Variants in TMEM178B observed in about 807,000 individuals in gnomAD.
The protein encoded by TMEM178B is transmembrane protein 178B.
In TMEM178B, 5 loss-of-function variants were observed where a neutral mutation model predicts 31.0. The observed-to-expected ratio is 0.16, with a 90% CI of 0.08 to 0.34. The LOEUF is 0.34. Among genes scored for constraint, TMEM178B ranks in the 10% least tolerant of loss-of-function variants. The pLI, the probability that TMEM178B is intolerant of heterozygous loss-of-function variation, is 1.00. For missense variants in TMEM178B, 275 were observed against 400.3 expected (o/e 0.69, Z 2.67); for synonymous variants, 164 against 164.0 (o/e 1.00, Z 0.00).
intron 1 of TMEM178B, among the ~76,000 whole-genome samples, chr7:141,106,550 A>G (rs1213360176): frequency 2.0e-5 from 3 of 152,230 alleles, no homozygotes; most frequent in South Asian, 4.1e-4. Flanking sequence ...AGAAAGTTTT[A>G]GAAATACTTA....
chr7:141,138,211 A>G (rs969059795), intron 1 of TMEM178B, among the ~76,000 whole-genome samples: 2 of 151,854 alleles, frequency 1.3e-5, no homozygotes, highest in Non-Finnish European at 2.9e-5. Context: ...ACAGGCACCC[A>G]CCACCATGCC....
At chr7:141,456,268 G>A (rs1801961050) in intron 3 of TMEM178B, among the ~76,000 whole-genome samples, 1 of 152,080 alleles carries the variant, frequency 6.6e-6, no homozygotes, top group Non-Finnish European at 1.5e-5. Flanking sequence ...TGAAAAAGAA[G>A]GACCATAGAG....
intron 2 of TMEM178B, among the ~76,000 whole-genome samples, chr7:141,366,302 A>T (rs1424613739): frequency 2.6e-5 from 4 of 152,194 alleles, no homozygotes; most frequent in Non-Finnish European, 4.4e-5. Context: ...CATGTCTGTG[A>T]CTTCTGGCTC....
At chr7:141,154,564 G>A (rs1373491521) in intron 1 of TMEM178B, among the ~76,000 whole-genome samples, 1 of 152,156 alleles carries the variant, frequency 6.6e-6, no homozygotes, top group Non-Finnish European at 1.5e-5. Flanking sequence ...GGTCAGGGCA[G>A]CTGTTCCTGC....
the TMEM178B span, among the ~76,000 whole-genome samples, chr7:141,500,813 A>C: frequency 4.7e-4 from 72 of 152,302 alleles, no homozygotes; most frequent in Non-Finnish European, 8.8e-4. Context: ...GCTTACCACT[A>C]GGTATGTCCC....
Position 141,262,474 on chromosome 7 carries a change from A to AATATATATATATATATAT in TMEM178B, c.496+49783_496+49800dup, listed in dbSNP as rs10570183. On this transcript the variant is annotated intron_variant, in intron 2 of 3. Transcript: ENST00000565468. The stretch of plus-strand genomic sequence containing the variant: ...AATGGAAAGCTTGATAAATACATAT[A>AATATATATATATATATAT]ATATATATATATATATATATATATA... Among the ~76,000 whole-genome samples, 455 of 131,650 alleles carry AATATATATATATATATAT rather than the reference A, an allele frequency of 3.5e-3. 2 individuals carry two copies. Among genetic ancestry groups the AATATATATATATATATAT allele is most frequent in the Non-Finnish European group, 4.4e-3 (276 of 62,712 alleles). 86.4% of individuals were successfully genotyped at this position (131,650 alleles called of 152,430 possible). A position where few individuals can be genotyped will look rare whatever the true frequency, so the allele number is the denominator to read the frequency against.
intron 2 of TMEM178B, among the ~76,000 whole-genome samples, chr7:141,407,787 T>A (rs1023953560): frequency 3.3e-5 from 5 of 152,174 alleles, no homozygotes; most frequent in African/African-American, 1.2e-4. Flanking sequence ...TTTTATAGCA[T>A]TTGTTGAAAT....
intron 2 of TMEM178B, among the ~76,000 whole-genome samples, chr7:141,267,194 G>A (rs537106160): frequency 6.6e-6 from 1 of 152,332 alleles, no homozygotes; most frequent in African/African-American, 2.4e-5. Flanking sequence ...ACCTTTCTTG[G>A]TTCTGTCTCC....
intron 1 of TMEM178B, among the ~76,000 whole-genome samples, chr7:141,096,850 T>C (rs1336047287): frequency 6.6e-6 from 1 of 151,978 alleles, no homozygotes; most frequent in Non-Finnish European, 1.5e-5. Flanking sequence ...TCCCAGCACT[T>C]GGGGAAGCAG....
chr7:141,115,544 G>C (rs766327623), intron 1 of TMEM178B, among the ~76,000 whole-genome samples: 7 of 152,190 alleles, frequency 4.6e-5, no homozygotes, highest in African/African-American at 1.7e-4. Context: ...ATGAAAAGTA[G>C]GAATTGATTT....
At chr7:141,231,105 T>A (rs1383523100) in intron 2 of TMEM178B, among the ~76,000 whole-genome samples, 1 of 152,176 alleles carries the variant, frequency 6.6e-6, no homozygotes, top group Non-Finnish European at 1.5e-5. Context: ...GATTTTTCTC[T>A]CTTGAAGTTC....
chr7:141,182,201 T>C (rs1174420277), intron 1 of TMEM178B, among the ~76,000 whole-genome samples: 1 of 152,106 alleles, frequency 6.6e-6, no homozygotes, highest in Non-Finnish European at 1.5e-5. Flanking sequence ...GGGGAACTCA[T>C]GCATGCTCGC....
chr7:141,085,422 A>G (rs1355119443), intron 1 of TMEM178B, among the ~76,000 whole-genome samples: 1 of 152,140 alleles, frequency 6.6e-6, no homozygotes, highest in Non-Finnish European at 1.5e-5. Context: ...GAAGTTTGAC[A>G]GATTTGCTGC....
chr7:141,437,675 C>A lies in TMEM178B; in HGVS notation c.564C>A (p.Ile188=). 9.8e-6 allele frequency: 15 copies of A among 1,536,184 alleles called. No homozygotes were observed. Among genetic ancestry groups the A allele is most frequent in the Non-Finnish European group, 1.3e-5 (15 of 1,146,920 alleles). ...CCATCATCCTCTTTGGCTGGATCAT[C>A]GGCGTGCTGGGCTGCTGCTGGGACC... ...AVAIILFGWI[I]GVLGCCWDRG... Residue 188 remains isoleucine, a synonymous_variant, in exon 3 of 4, where the codon ATC becomes ATA. Coordinates refer to ENST00000565468, the MANE Select transcript of TMEM178B (RefSeq NM_001195278.2).
intron 2 of TMEM178B, among the ~76,000 whole-genome samples, chr7:141,346,241 C>A (rs201690042): frequency 0.067 from 10,162 of 151,462 alleles, 457 homozygotes; most frequent in East Asian, 0.19. Context: ...ACAAAAAAAA[C>A]CAAAAAACAA....
At chr7:141,110,025 A>G (rs893600409) in intron 1 of TMEM178B, among the ~76,000 whole-genome samples, 7 of 152,234 alleles carry the variant, frequency 4.6e-5, no homozygotes, top group African/African-American at 1.7e-4. Flanking sequence ...TATTGATTAA[A>G]AGATAAATAA....
intron 1 of TMEM178B, among the ~76,000 whole-genome samples, chr7:141,114,023 T>C (rs1178382178): frequency 6.6e-6 from 1 of 152,230 alleles, no homozygotes; most frequent in Non-Finnish European, 1.5e-5. Flanking sequence ...AGATGGTTTA[T>C]AACTGGTATA....
chr7:141,181,884 C>T (rs1176893564), intron 1 of TMEM178B, among the ~76,000 whole-genome samples: 4 of 152,294 alleles, frequency 2.6e-5, no homozygotes, highest in Admixed American at 1.3e-4. Context: ...CTAGGAGGCT[C>T]GCCTCAACCC....
chr7:141,226,496 C>T lies in TMEM178B; in HGVS notation c.496+13792C>T, dbSNP rs552274654. 5.1e-4 allele frequency among the ~76,000 whole-genome samples: 77 copies of T among 152,184 alleles called. 1 individual carries two copies. Among genetic ancestry groups the T allele is most frequent in the African/African-American group, 1.8e-3 (75 of 41,508 alleles). ...CAAAAAGAATAGGGACTTCTGGTTT[C>T]ATAGGTGAGGTCTCAAATACAGCTA... On this transcript the variant is annotated intron_variant, in intron 2 of 3. Coordinates refer to ENST00000565468, the MANE Select transcript of TMEM178B (RefSeq NM_001195278.2).
Sources: gnomAD v4.1 joint callset for allele counts (sites outside exome capture counted in the v4.1 genomes callset) on GRCh38, gnomAD v4.1.1 for gene constraint, MANE v1.5 for transcripts, NCBI Gene and HGNC (gene_info 2026-07-23, HGNC 2026-07-21) for gene names.